The following MEMO1 variants were observed in gnomAD, a reference collection of about 807,000 sequenced individuals.
MEMO1 encodes the protein mediator of cell motility 1, also known as protein MEMO1.
Under a neutral mutation model 45.2 loss-of-function variants are expected in MEMO1, and 6 were observed. The ratio of observed to expected loss-of-function variants is 0.13; its 90% CI spans 0.07 to 0.26. MEMO1 has a LOEUF of 0.26. Ranked by LOEUF, MEMO1 falls within the 10% of genes least tolerant of loss-of-function variation. MEMO1 has a pLI of 1.00. For missense variants in MEMO1, 184 were observed against 370.5 expected, an observed-to-expected ratio of 0.50 and a Z score of 4.13; for synonymous variants, 78 against 124.3, an observed-to-expected ratio of 0.63 and a Z score of 2.48.
At chr2:31,999,561 T>A (rs972612079) in intron 2 of MEMO1, among the ~76,000 whole-genome samples, 2 of 152,108 alleles carry the variant, frequency 1.3e-5, no homozygotes, top group African/African-American at 2.4e-5. Context: ...TCCCAGCTAC[T>A]CAGGAGATTG....
intron 2 of MEMO1, among the ~76,000 whole-genome samples, chr2:32,004,261 G>A (rs1470164150): frequency 2.0e-5 from 3 of 151,864 alleles, no homozygotes; most frequent in Non-Finnish European, 4.4e-5. Context: ...GAAGATAGAT[G>A]CAATATGTAC....
chr2:31,972,824 C>A (rs1669567628), intron 2 of MEMO1, among the ~76,000 whole-genome samples: 1 of 152,128 alleles, frequency 6.6e-6, no homozygotes, highest in East Asian at 1.9e-4. Flanking sequence ...AAAGAGACAA[C>A]CCAATTTTAA....
chr2:31,930,811 A>ATTTTTTTTTTTTT lies in MEMO1; in HGVS notation c.212+1243_212+1255dup, dbSNP rs376524077. On this transcript the variant is annotated intron_variant, in intron 4 of 9. Transcript: ENST00000404530. ...CAGGCGTGTGCCACCACGCCTGGCA[A>ATTTTTTTTTTTTT]TTTTTTTTTTTTTTTTTTTTGTATT... 1.5e-3 allele frequency among the ~76,000 whole-genome samples: 190 copies of ATTTTTTTTTTTTT among 126,034 alleles called. 2 individuals carry two copies. Among genetic ancestry groups the ATTTTTTTTTTTTT allele is most frequent in the African/African-American group, 5.4e-3 (174 of 32,056 alleles). 82.7% of individuals were successfully genotyped at this position (126,034 alleles called of 152,430 possible).
At chr2:31,905,948 T>A (rs1181400960) in intron 6 of MEMO1, among the ~76,000 whole-genome samples, 1 of 152,060 alleles carries the variant, frequency 6.6e-6, no homozygotes, top group African/African-American at 2.4e-5. Context: ...CATCACACCA[T>A]CAAGGAGAGC....
At chr2:31,992,940 AAAAATCATCAG>A (rs1376139697) in intron 2 of MEMO1, among the ~76,000 whole-genome samples, 1 of 152,212 alleles carries the variant, frequency 6.6e-6, no homozygotes, top group Non-Finnish European at 1.5e-5. Flanking sequence ...ACTATGGAAA[AAAAATCATCAG>A]AAAATCAAAA....
intron 3 of MEMO1, among the ~76,000 whole-genome samples, chr2:31,933,798 C>G (rs1664586885): frequency 6.6e-6 from 1 of 152,046 alleles, no homozygotes; most frequent in Non-Finnish European, 1.5e-5. Context: ...CAAGTTGCCT[C>G]AAAACAGCAA....
rs1572561345 is a variant in MEMO1 at position 31,883,445 on chromosome 2, T to A, written c.598A>T (p.Ser200Cys). Residue 200 changes from serine (S) to cysteine (C), a missense_variant, in exon 8 of 10, where the codon AGT (serine) becomes TGT (cysteine). By Grantham distance (112) the Ser-to-Cys change is moderately radical (BLOSUM62 -1). Coordinates refer to ENST00000404530, the MANE Select transcript of MEMO1 (RefSeq NM_001301833.4). ...TCCCCCTGGGATTCATCATAGTAAC[T>A]GTAACGGAACCTTTGACCTTGAAAC... Reference protein sequence around the residue: ...FCHWGQRFRYSYYDESQGEIY... With the variant: ...FCHWGQRFRYCYYDESQGEIY... The A allele has an allele frequency of 6.3e-7, 1 of 1,592,010 alleles. No homozygotes were observed. Among genetic ancestry groups the A allele is most frequent in the Admixed American group, 1.8e-5 (1 of 56,106 alleles).
intron 3 of MEMO1, among the ~76,000 whole-genome samples, chr2:31,935,908 T>C (rs1208435432): frequency 6.6e-6 from 1 of 152,170 alleles, no homozygotes; most frequent in African/African-American, 2.4e-5. Context: ...ACAGATATTC[T>C]AATATGCACT....
At chr2:31,896,434 G>T (rs1302540400) in intron 6 of MEMO1, among the ~76,000 whole-genome samples, 1 of 152,162 alleles carries the variant, frequency 6.6e-6, no homozygotes, top group Non-Finnish European at 1.5e-5. Flanking sequence ...CTGCTCAACA[G>T]TTCAGGTAGA....
At chr2:31,997,310 T>C (rs979835210) in intron 2 of MEMO1, among the ~76,000 whole-genome samples, 1 of 152,140 alleles carries the variant, frequency 6.6e-6, no homozygotes, top group Admixed American at 6.5e-5. Context: ...AAAGACACAC[T>C]ATATTCAGAG....
intron 4 of MEMO1, among the ~76,000 whole-genome samples, chr2:31,921,227 A>G (rs1425939245): frequency 6.6e-6 from 1 of 152,178 alleles, no homozygotes; most frequent in African/African-American, 2.4e-5. Flanking sequence ...GCCTGCACAG[A>G]GATATGATCA....
chr2:31,970,024 T>C (rs1023930820), intron 2 of MEMO1, among the ~76,000 whole-genome samples: 2 of 152,110 alleles, frequency 1.3e-5, no homozygotes, highest in Middle Eastern at 3.4e-3. Context: ...CAGGCTGGAG[T>C]GCAGTGGCGC....
intron 2 of MEMO1, among the ~76,000 whole-genome samples, chr2:31,960,361 T>C (rs1037833151): frequency 6.6e-5 from 10 of 152,146 alleles, no homozygotes; most frequent in Non-Finnish European, 8.8e-5. Context: ...ATAGCTTTTA[T>C]CTAAGGACAT....
At chr2:31,904,246 T>C (rs559575466) in intron 6 of MEMO1, among the ~76,000 whole-genome samples, 1 of 152,242 alleles carries the variant, frequency 6.6e-6, no homozygotes, top group African/African-American at 2.4e-5. Flanking sequence ...ATATTACTTA[T>C]GTTGATAAGG....
intron 4 of MEMO1, among the ~76,000 whole-genome samples, chr2:31,929,679 TG>T (rs1683657024): frequency 6.6e-6 from 1 of 152,360 alleles, no homozygotes; most frequent in Non-Finnish European, 1.5e-5. Flanking sequence ...TTTTAAATTC[TG>T]GAAAGTGACA....
At chr2:31,965,639 G>A (rs1377582813) in intron 2 of MEMO1, among the ~76,000 whole-genome samples, 2 of 152,106 alleles carry the variant, frequency 1.3e-5, no homozygotes, top group East Asian at 1.9e-4. Flanking sequence ...TAAAAATGAG[G>A]ATAAAAAGGA....
At chr2:31,997,464 G>A (rs1013824427) in intron 2 of MEMO1, among the ~76,000 whole-genome samples, 20 of 152,232 alleles carry the variant, frequency 1.3e-4, no homozygotes, top group African/African-American at 4.8e-4. Flanking sequence ...CAAACTTAAT[G>A]CTTAATCTGT....
intron 7 of MEMO1, among the ~76,000 whole-genome samples, chr2:31,886,997 T>C (rs1676278588): frequency 6.6e-6 from 1 of 151,982 alleles, no homozygotes; most frequent in African/African-American, 2.4e-5. Flanking sequence ...AGAGGAAAAA[T>C]AACCCAAGAA....
At chr2:31,873,700 T>G (rs2147886630) in intron 8 of MEMO1, among the ~76,000 whole-genome samples, 1 of 152,246 alleles carries the variant, frequency 6.6e-6, no homozygotes, top group East Asian at 1.9e-4. Flanking sequence ...ACCACATAAT[T>G]AACACCATAT....
Sources: gnomAD v4.1 joint callset for allele counts (sites outside exome capture counted in the v4.1 genomes callset) on GRCh38, gnomAD v4.1.1 for gene constraint, MANE v1.5 for transcripts, NCBI Gene and HGNC (gene_info 2026-07-23, HGNC 2026-07-21) for gene names.